The following MECOM variants were observed in gnomAD, a reference collection of about 807,000 sequenced individuals.
MECOM encodes MDS1 and EVI1 complex locus.
In MECOM, 13 loss-of-function variants were observed where a neutral mutation model predicts 116.3. That is an observed-to-expected ratio of 0.11 (90% CI 0.07 to 0.18). MECOM has a LOEUF of 0.18. Ranked by LOEUF, MECOM falls within the 10% of genes least tolerant of loss-of-function variation. The pLI is 1.00. For missense variants in MECOM, 1,299 were observed against 1,509.0 expected, an observed-to-expected ratio of 0.86 and a Z score of 2.31; for synonymous variants, 528 against 535.2, an observed-to-expected ratio of 0.99 and a Z score of 0.19.
chr3:169,575,572 C>T (rs145482639), intron 1 of MECOM, among the ~76,000 whole-genome samples: 6 of 152,302 alleles, frequency 3.9e-5, no homozygotes, highest in African/African-American at 1.2e-4. Context: ...CCGGGGATGC[C>T]GCCTTGTCCT....
intron 4 of MECOM, among the ~76,000 whole-genome samples, chr3:169,129,445 C>T (rs184409332): frequency 6.6e-6 from 1 of 151,806 alleles, no homozygotes; most frequent in African/African-American, 2.4e-5. Context: ...AGAAGTCAAG[C>T]AGAGAGACCA....
At chr3:169,472,575 GAGGAGAGGAA>G (rs1452763212) in intron 1 of MECOM, among the ~76,000 whole-genome samples, 1 of 61,176 alleles carries the variant, frequency 1.6e-5, no homozygotes, top group Non-Finnish European at 3.0e-5. Flanking sequence ...GAGGAGAGGA[GAGGAGAGGAA>G]AGGAAAGGAA....
intron 2 of MECOM, among the ~76,000 whole-genome samples, chr3:169,263,666 G>T (rs1055964045): frequency 1.3e-5 from 2 of 151,746 alleles, no homozygotes; most frequent in Admixed American, 1.3e-4. Flanking sequence ...TGAGTTCATT[G>T]TCTTAAAGTA....
At chr3:169,347,787 C>T (rs142003587) in intron 2 of MECOM, among the ~76,000 whole-genome samples, 15 of 152,070 alleles carry the variant, frequency 9.9e-5, no homozygotes, top group African/African-American at 3.4e-4. Context: ...AACATAAGAG[C>T]AAGAGCTCAG....
chr3:169,208,326 T>C (rs1750234186), intron 2 of MECOM, among the ~76,000 whole-genome samples: 1 of 148,622 alleles, frequency 6.7e-6, no homozygotes, highest in African/African-American at 2.4e-5. Context: ...TTATATTATA[T>C]ATATAATGTA....
At chr3:169,493,548 T>C (rs1211921283) in intron 1 of MECOM, among the ~76,000 whole-genome samples, 1 of 150,876 alleles carries the variant, frequency 6.6e-6, no homozygotes, top group African/African-American at 2.5e-5. Context: ...TACAGACATA[T>C]GTATTTTTAT....
intron 1 of MECOM, among the ~76,000 whole-genome samples, chr3:169,647,936 C>T (rs753381613): frequency 4.6e-5 from 7 of 151,936 alleles, no homozygotes; most frequent in South Asian, 2.1e-4. Context: ...CAGCATTATC[C>T]GCCAGAAAAC....
At chr3:169,594,176 A>AAAAAAAAAAAAAAAAAAAAAAAAC (rs1553894631) in intron 1 of MECOM, among the ~76,000 whole-genome samples, 5 of 139,732 alleles carry the variant, frequency 3.6e-5, no homozygotes, top group African/African-American at 5.7e-5. Context: ...AAAAAAAAAA[A>AAAAAAAAAAAAAAAAAAAAAAAAC]CACCTTTTCA....
intron 2 of MECOM, among the ~76,000 whole-genome samples, chr3:169,211,417 G>C (rs1750716256): frequency 6.6e-6 from 1 of 152,056 alleles, no homozygotes; most frequent in Non-Finnish European, 1.5e-5. Flanking sequence ...CTTCTGCTAT[G>C]GTGCTCACTC....
At chr3:169,237,650 T>G (rs1267984871) in intron 2 of MECOM, among the ~76,000 whole-genome samples, 7 of 150,206 alleles carry the variant, frequency 4.7e-5, no homozygotes, top group Admixed American at 1.3e-4. Flanking sequence ...GCACTTACTG[T>G]TGTTAAATGA....
intron 2 of MECOM, among the ~76,000 whole-genome samples, chr3:169,236,143 T>C (rs1301295541): frequency 1.3e-5 from 2 of 152,194 alleles, no homozygotes; most frequent in African/African-American, 2.4e-5. Flanking sequence ...GTAAGTGTCC[T>C]GAGCACATTT....
intron 10 of MECOM, among the ~76,000 whole-genome samples, chr3:169,105,722 A>G (rs947651486): frequency 6.6e-6 from 1 of 152,116 alleles, no homozygotes; most frequent in African/African-American, 2.4e-5. Context: ...TTATTTACAT[A>G]TATAATAGTT....
At chr3:169,528,793 A>G (rs1348298644) in intron 1 of MECOM, among the ~76,000 whole-genome samples, 1 of 152,248 alleles carries the variant, frequency 6.6e-6, no homozygotes, top group Non-Finnish European at 1.5e-5. Context: ...TGTGCCTTAA[A>G]TAGAAACAAC....
At chr3:169,246,028 C>T (rs1755542647) in intron 2 of MECOM, among the ~76,000 whole-genome samples, 1 of 151,988 alleles carries the variant, frequency 6.6e-6, no homozygotes, top group Non-Finnish European at 1.5e-5. Context: ...AGATATTGAC[C>T]CTGATTCTGA....
In MECOM at chr3:169,383,919, C is replaced by A. The variant is rs569185164; in HGVS notation, c.38-2395G>T. On this transcript the variant is annotated intron_variant, in intron 1 of 16. Transcript: ENST00000651503. ...TGGCACTCCTCTCTCTGCACCTCTG[C>A]CCGACAAACTTCTAGTCTTCCTCCT... Among the ~76,000 whole-genome samples, 46 of 152,284 alleles carry A rather than the reference C, an allele frequency of 3.0e-4. 2 individuals are homozygous for A. In the South Asian group the frequency reaches 6.6e-3, roughly 22 times the overall value.
intron 1 of MECOM, among the ~76,000 whole-genome samples, chr3:169,517,050 G>A (rs1756718842): frequency 6.6e-6 from 1 of 152,030 alleles, no homozygotes. Context: ...TTGTCATCAT[G>A]GATAATATTA....
In MECOM at chr3:169,663,500, CTCTCTCT is replaced by C. The variant is rs1776605842; in HGVS notation, c.-135_-129del. The stretch of plus-strand genomic sequence containing the variant: ...TCTCTCTCTCTCTCTCTCTCTCTCT[CTCTCTCT>C]CTCTCTCTCTCTCTCTCTCTCTCCC... On this transcript the variant is annotated 5_prime_UTR_variant, in exon 1 of 17. Transcript: ENST00000651503. 1.1e-5 allele frequency: 7 copies of C among 658,072 alleles called. No homozygotes were observed. The South Asian group carries it at 1.3e-4, about 12-fold the overall frequency. 40.8% of individuals were successfully genotyped at this position (658,072 alleles called of 1,614,324 possible). A position where few individuals can be genotyped will look rare whatever the true frequency, so the allele number is the denominator to read the frequency against.
intron 1 of MECOM, among the ~76,000 whole-genome samples, chr3:169,575,910 G>C (rs1021332981): frequency 6.6e-6 from 1 of 151,980 alleles, no homozygotes; most frequent in African/African-American, 2.4e-5. Flanking sequence ...GCTCAGCCTA[G>C]CATTTCCCTG....
chr3:169,103,421 T>C (rs1446675714), intron 10 of MECOM, among the ~76,000 whole-genome samples: 1 of 152,134 alleles, frequency 6.6e-6, no homozygotes, highest in Non-Finnish European at 1.5e-5. Context: ...GCCATCCTGT[T>C]AAATCAACTC....
Sources: gnomAD v4.1 joint callset for allele counts (sites outside exome capture counted in the v4.1 genomes callset) on GRCh38, gnomAD v4.1.1 for gene constraint, MANE v1.5 for transcripts, NCBI Gene and HGNC (gene_info 2026-07-23, HGNC 2026-07-21) for gene names.